Variants in YAP1 observed in about 807,000 individuals in gnomAD.
YAP1 encodes Yes1 associated transcriptional regulator, also known as transcriptional coactivator YAP1.
YAP1 carries 5 observed loss-of-function variants against 56.9 expected under a neutral mutation model. That is an observed-to-expected ratio of 0.09 (90% CI 0.05 to 0.18). YAP1 has a LOEUF of 0.18. Among genes scored for constraint, YAP1 ranks in the 10% least tolerant of loss-of-function variants. The pLI is 1.00. For missense variants in YAP1, 539 were observed against 651.8 expected (o/e 0.83, Z 1.88); for synonymous variants, 265 against 248.1 (o/e 1.07, Z -0.64).
intron 2 of YAP1, among the ~76,000 whole-genome samples, chr11:102,116,759 A>G (rs1943312353): frequency 6.6e-6 from 1 of 152,218 alleles, no homozygotes; most frequent in African/African-American, 2.4e-5. Flanking sequence ...GTCTTACTAT[A>G]TAAGAAATGT....
chr11:102,130,807 A>G (rs1231098272), intron 2 of YAP1, among the ~76,000 whole-genome samples: 1 of 147,348 alleles, frequency 6.8e-6, no homozygotes, highest in African/African-American at 2.5e-5. Flanking sequence ...TCCTCTACAC[A>G]TGTTCAGACT....
chr11:102,123,823 T>C (rs1433479126), intron 2 of YAP1, among the ~76,000 whole-genome samples: 1 of 152,010 alleles, frequency 6.6e-6, no homozygotes, highest in Non-Finnish European at 1.5e-5. Context: ...GTATTTTTAG[T>C]AGAGACGGAG....
At chr11:102,139,053 G>GTTTTTTTTTTT (rs563534544) in intron 2 of YAP1, among the ~76,000 whole-genome samples, 1 of 145,546 alleles carries the variant, frequency 6.9e-6, no homozygotes, top group Non-Finnish European at 1.5e-5. Flanking sequence ...ATGAAAACAA[G>GTTTTTTTTTTT]TTTTTTTTTT....
At chr11:102,163,481 G>C (rs565016169) in intron 3 of YAP1, among the ~76,000 whole-genome samples, 1 of 152,088 alleles carries the variant, frequency 6.6e-6, no homozygotes, top group Non-Finnish European at 1.5e-5. Flanking sequence ...CATTGTGCCT[G>C]GCATCAGAGA....
chr11:102,151,385 C>T (rs1267967638), intron 2 of YAP1, among the ~76,000 whole-genome samples: 1 of 152,134 alleles, frequency 6.6e-6, no homozygotes. Context: ...TCCAGTCTCT[C>T]CAGCTGGCTA....
intron 2 of YAP1, among the ~76,000 whole-genome samples, chr11:102,147,764 C>T (rs1184990608): frequency 6.6e-6 from 1 of 152,108 alleles, no homozygotes; most frequent in East Asian, 1.9e-4. Context: ...AAAACCAGGT[C>T]ATTAGCTGTC....
At chr11:102,142,451 T>C (rs527876529) in intron 2 of YAP1, among the ~76,000 whole-genome samples, 34 of 152,334 alleles carry the variant, frequency 2.2e-4, no homozygotes, top group Admixed American at 3.9e-4. Context: ...TGCAGCTGTT[T>C]CTGATTTGTA....
intron 4 of YAP1, among the ~76,000 whole-genome samples, chr11:102,197,690 T>C (rs917585599): frequency 6.6e-5 from 10 of 152,228 alleles, no homozygotes; most frequent in African/African-American, 2.2e-4. Context: ...TTTTAAAATA[T>C]TGCATAATTT....
At chr11:102,151,809 G>GT (rs1458327050) in intron 2 of YAP1, among the ~76,000 whole-genome samples, 2 of 152,168 alleles carry the variant, frequency 1.3e-5, no homozygotes, top group African/African-American at 2.4e-5. Flanking sequence ...GGAGACTTGA[G>GT]TTCTAGTTCT....
chr11:102,204,231 A>G (rs1221938927), intron 4 of YAP1, among the ~76,000 whole-genome samples: 9 of 145,284 alleles, frequency 6.2e-5, no homozygotes, highest in South Asian at 4.5e-4. Flanking sequence ...GAAAAGGGGA[A>G]AAAAAAAAAA....
chr11:102,222,252 A>G (rs953782386), intron 6 of YAP1, among the ~76,000 whole-genome samples: 1 of 152,212 alleles, frequency 6.6e-6, no homozygotes, highest in African/African-American at 2.4e-5. Flanking sequence ...TCAGGCCAGT[A>G]TCCTTTGTGA....
At chr11:102,133,178 C>T (rs72972178) in intron 2 of YAP1, among the ~76,000 whole-genome samples, 76,288 of 151,714 alleles carry the variant, frequency 0.5, 20,950 homozygotes, top group South Asian at 0.67. Context: ...AATAAACAAA[C>T]AAACAAACAA....
intron 2 of YAP1, among the ~76,000 whole-genome samples, chr11:102,118,671 A>C (rs566725045): frequency 3.9e-4 from 59 of 151,336 alleles, no homozygotes; most frequent in African/African-American, 1.3e-3. Flanking sequence ...GAATTGCTTG[A>C]ACCTGGCAGG....
chr11:102,225,885 TGTA>T (rs778155987), intron 7 of YAP1, among the ~76,000 whole-genome samples: 1 of 152,316 alleles, frequency 6.6e-6, no homozygotes, highest in East Asian at 1.9e-4. Flanking sequence ...ATGCCTGTCA[TGTA>T]GTAGCAGATG....
At chr11:102,223,175 G>A (rs1035150916) in intron 6 of YAP1, among the ~76,000 whole-genome samples, 1 of 151,296 alleles carries the variant, frequency 6.6e-6, no homozygotes, top group Non-Finnish European at 1.5e-5. Context: ...TTGAACCCAG[G>A]AGGCGGAGGT....
At chr11:102,221,648 A>G (rs1820454) in intron 6 of YAP1, among the ~76,000 whole-genome samples, 67,663 of 151,520 alleles carry the variant, frequency 0.45, 15,340 homozygotes, top group East Asian at 0.58. Flanking sequence ...ACTTGAGCCT[A>G]GAAGGTCAAG....
At chr11:102,228,623 A>T in intron 8 of YAP1, among the ~76,000 whole-genome samples, 1 of 140,656 alleles carries the variant, frequency 7.1e-6, no homozygotes, top group Non-Finnish European at 1.5e-5. Flanking sequence ...TGACAGAGCA[A>T]GACTCCGTCT....
intron 3 of YAP1, among the ~76,000 whole-genome samples, chr11:102,174,426 G>A (rs1947112080): frequency 6.6e-6 from 1 of 151,950 alleles, no homozygotes; most frequent in African/African-American, 2.4e-5. Context: ...GTGAAACCCT[G>A]TCTCTACTAA....
intron 2 of YAP1, among the ~76,000 whole-genome samples, chr11:102,144,921 TTCTG>T (rs1303463733): frequency 2.0e-5 from 3 of 151,722 alleles, no homozygotes; most frequent in Admixed American, 1.3e-4. Flanking sequence ...CACACACTTA[TTCTG>T]TCTCTCTCTC....
Sources: gnomAD v4.1 joint callset for allele counts (sites outside exome capture counted in the v4.1 genomes callset) on GRCh38, gnomAD v4.1.1 for gene constraint, MANE v1.5 for transcripts, NCBI Gene and HGNC (gene_info 2026-07-23, HGNC 2026-07-21) for gene names.